The following TSHZ2 variants were observed in gnomAD, a reference collection of about 807,000 sequenced individuals.
The protein encoded by TSHZ2 is teashirt homolog 2.
Under a neutral mutation model 74.4 loss-of-function variants are expected in TSHZ2, and 21 were observed. The observed-to-expected ratio is 0.28, with a 90% CI of 0.20 to 0.41. The LOEUF is 0.41. Among genes scored for constraint, TSHZ2 ranks in the 10% least tolerant of loss-of-function variants. The pLI is 1.00. For missense variants in TSHZ2, 1,244 were observed against 1,293.5 expected, an observed-to-expected ratio of 0.96 and a Z score of 0.59; for synonymous variants, 540 against 515.3, an observed-to-expected ratio of 1.05 and a Z score of -0.65.
At chr20:53,227,914 A>T (rs2123660922) in intron 1 of TSHZ2, among the ~76,000 whole-genome samples, 1 of 151,728 alleles carries the variant, frequency 6.6e-6, no homozygotes, top group South Asian at 2.1e-4. Context: ...TTTTTAACGA[A>T]CTGAAGTTTC....
Position 53,253,806 on chromosome 20 carries a change from C to T in TSHZ2, c.348C>T (p.Asn116=), listed in dbSNP as rs199643030. Residue 116 remains asparagine (N), a synonymous_variant, in exon 2 of 3, where the codon AAC becomes AAT. Coordinates refer to ENST00000371497, the MANE Select transcript of TSHZ2 (RefSeq NM_173485.6). ...CACACACTCACGTCAGGCTTCCAAA[C>T]GAAGCACACAATTGCATGGATAAAA... ...KKAHTHVRLP[N]EAHNCMDKMT... 2.4e-5 allele frequency: 38 copies of T among 1,614,046 alleles called. No homozygotes were observed. Among genetic ancestry groups the T allele is most frequent in the Non-Finnish European group, 2.9e-5 (34 of 1,180,030 alleles).
At chr20:53,121,536 T>C (rs1986810143) in intron 1 of TSHZ2, among the ~76,000 whole-genome samples, 1 of 152,202 alleles carries the variant, frequency 6.6e-6, no homozygotes, top group Admixed American at 6.5e-5. Context: ...ACTCATAGCC[T>C]CTGGAGGGAG....
rs539075093 is a variant in TSHZ2 at position 53,018,009 on chromosome 20, G to A, written c.40+44676G>A. ...CAATGCAGTGAAAGAGACGAACATCGCATCAATAGGATTCTGCTACAAGTA... is the reference window on the plus strand; with the variant it reads ...CAATGCAGTGAAAGAGACGAACATCACATCAATAGGATTCTGCTACAAGTA... On this transcript the variant is annotated intron_variant, in intron 1 of 2. Coordinates refer to ENST00000371497, the MANE Select transcript of TSHZ2 (RefSeq NM_173485.6). Among the ~76,000 whole-genome samples the A allele has an allele frequency of 1.9e-4, 29 of 152,196 alleles. 2 individuals are homozygous for A. In the South Asian group the frequency reaches 4.6e-3, roughly 24 times the overall value.
chr20:53,135,007 G>GACACACAC (rs139347142), intron 1 of TSHZ2, among the ~76,000 whole-genome samples: 4,783 of 148,660 alleles, frequency 0.032, 126 homozygotes, highest in African/African-American at 0.068. Flanking sequence ...TGCACATGCA[G>GACACACAC]ACACACACAC....
intron 1 of TSHZ2, among the ~76,000 whole-genome samples, chr20:53,115,272 A>T (rs62206549): frequency 6.6e-6 from 1 of 152,014 alleles, no homozygotes; most frequent in Non-Finnish European, 1.5e-5. Context: ...TCCAAATCTC[A>T]TCTTGAATTG....
chr20:53,039,785 CACA>C (rs1983969544), intron 1 of TSHZ2, among the ~76,000 whole-genome samples: 1 of 10,022 alleles, frequency 1.0e-4, no homozygotes, highest in Non-Finnish European at 1.6e-4. Context: ...ATCTCAAACA[CACA>C]CACACACACA....
At chr20:53,013,355 A>ATTT (rs534884861) in intron 1 of TSHZ2, among the ~76,000 whole-genome samples, 1 of 149,624 alleles carries the variant, frequency 6.7e-6, no homozygotes, top group African/African-American at 2.5e-5. Context: ...GAGCTCGAGC[A>ATTT]TTTTTTTTTT....
chr20:53,178,612 TA>T (rs1988399761), intron 1 of TSHZ2: 1 of 152,152 alleles, frequency 6.6e-6, no homozygotes, highest in African/African-American at 2.4e-5. Flanking sequence ...ATGTGGAAAT[TA>T]AAATAAGGTG....
At chr20:53,166,605 T>C (rs1023493525) in intron 1 of TSHZ2, among the ~76,000 whole-genome samples, 2 of 152,004 alleles carry the variant, frequency 1.3e-5, no homozygotes, top group African/African-American at 4.8e-5. Context: ...ACCCCATCTC[T>C]AATAAAAATA....
intron 2 of TSHZ2, among the ~76,000 whole-genome samples, chr20:53,264,949 G>A (rs1054318842): frequency 7.2e-5 from 11 of 152,152 alleles, no homozygotes; most frequent in African/African-American, 2.7e-4. Context: ...TGTTGAGACT[G>A]GCCAAGAAGC....
At chr20:53,095,908 G>C (rs1225949191) in intron 1 of TSHZ2, among the ~76,000 whole-genome samples, 1 of 152,118 alleles carries the variant, frequency 6.6e-6, no homozygotes, top group Non-Finnish European at 1.5e-5. Context: ...TAATACTAAA[G>C]GGGGAAAGAG....
intron 1 of TSHZ2, among the ~76,000 whole-genome samples, chr20:53,048,590 G>C (rs1035288809): frequency 6.6e-6 from 1 of 152,112 alleles, no homozygotes; most frequent in Admixed American, 6.5e-5. Flanking sequence ...TTGATTTGCC[G>C]GGCGTGGGCA....
intron 2 of TSHZ2, among the ~76,000 whole-genome samples, chr20:53,383,925 CA>C (rs747458741): frequency 2.9e-4 from 44 of 152,154 alleles, no homozygotes; most frequent in South Asian, 8.3e-4. Context: ...AGGAAGTAAC[CA>C]AAAAGCTAGG....
chr20:53,037,353 C>A (rs374518958), intron 1 of TSHZ2, among the ~76,000 whole-genome samples: 1 of 152,178 alleles, frequency 6.6e-6, no homozygotes, highest in South Asian at 2.1e-4. Context: ...AAGCAGAAAT[C>A]CTGGTTAGTA....
intron 2 of TSHZ2, among the ~76,000 whole-genome samples, chr20:53,469,881 AAAAG>A (rs1274854340): frequency 4.6e-5 from 6 of 131,198 alleles, no homozygotes; most frequent in African/African-American, 1.7e-4. Context: ...AGAAAGAAAA[AAAAG>A]AGAGAGAGGA....
intron 2 of TSHZ2, among the ~76,000 whole-genome samples, chr20:53,410,583 G>A (rs921914505): frequency 1.5e-4 from 16 of 107,258 alleles, no homozygotes; most frequent in African/African-American, 3.2e-4. Flanking sequence ...TGTTATTATC[G>A]TCACATTATT....
In TSHZ2 at chr20:53,299,431, T is replaced by C. The variant is rs190602750; in HGVS notation, c.*8+42860T>C. Among the ~76,000 whole-genome samples the C allele has an allele frequency of 1.5e-3, 226 of 152,374 alleles. 2 individuals carry two copies. Among genetic ancestry groups the C allele is most frequent in the African/African-American group, 5.0e-3 (209 of 41,590 alleles). On this transcript the variant is annotated intron_variant, in intron 2 of 2. Transcript: ENST00000371497. Reference sequence around the variant, plus strand: ...TATTATAATATGGGTAAAGACTTTTTCCCTTGTTTTGCCCATTTATAAATG... The same window carrying C: ...TATTATAATATGGGTAAAGACTTTTCCCCTTGTTTTGCCCATTTATAAATG...
intron 1 of TSHZ2, among the ~76,000 whole-genome samples, chr20:53,079,707 G>C (rs753679768): frequency 6.6e-6 from 1 of 152,124 alleles, no homozygotes; most frequent in Non-Finnish European, 1.5e-5. Flanking sequence ...TAAATGTATT[G>C]AGTGCTGACT....
At chr20:53,115,749 T>A (rs1479009522) in intron 1 of TSHZ2, among the ~76,000 whole-genome samples, 2 of 151,716 alleles carry the variant, frequency 1.3e-5, no homozygotes, top group Non-Finnish European at 2.9e-5. Context: ...AGAGAATGAG[T>A]CTGGTGAGAG....
Sources: gnomAD v4.1 joint callset for allele counts (sites outside exome capture counted in the v4.1 genomes callset) on GRCh38, gnomAD v4.1.1 for gene constraint, MANE v1.5 for transcripts, NCBI Gene and HGNC (gene_info 2026-07-23, HGNC 2026-07-21) for gene names.